Variants in CNTNAP2 observed in about 807,000 individuals in gnomAD.
The protein encoded by CNTNAP2 is contactin associated protein 2.
A neutral mutation model predicts 155.2 loss-of-function variants in CNTNAP2; 98 were observed. The observed-to-expected ratio is 0.63, with a 90% CI of 0.54 to 0.75. CNTNAP2 has a LOEUF of 0.75. CNTNAP2 is among the 30% of genes least tolerant of loss of function. The pLI, the probability that CNTNAP2 is intolerant of heterozygous loss-of-function variation, is 0.00. For synonymous variants in CNTNAP2, 651 were observed against 631.2 expected (o/e 1.03, Z -0.47); for missense variants, 1,727 against 1,688.1 (o/e 1.02, Z -0.40).
chr7:147,548,847 A>G (rs551475871), intron 11 of CNTNAP2, among the ~76,000 whole-genome samples: 3 of 152,250 alleles, frequency 2.0e-5, no homozygotes, highest in Non-Finnish European at 4.4e-5. Flanking sequence ...TCCCAGGACC[A>G]TTTACTGAAT....
chr7:148,063,392 C>T (rs948775755), intron 15 of CNTNAP2, among the ~76,000 whole-genome samples: 1 of 151,994 alleles, frequency 6.6e-6, no homozygotes, highest in Non-Finnish European at 1.5e-5. Context: ...TCCCATTATA[C>T]ATATTGTACC....
At chr7:146,852,064 T>A (rs966683255) in intron 3 of CNTNAP2, among the ~76,000 whole-genome samples, 1 of 152,130 alleles carries the variant, frequency 6.6e-6, no homozygotes, top group African/African-American at 2.4e-5. Context: ...TATGACCTCA[T>A]ATTAACTATA....
intron 10 of CNTNAP2, among the ~76,000 whole-genome samples, chr7:147,442,123 CA>C (rs1475480171): frequency 6.6e-6 from 1 of 152,140 alleles, no homozygotes; most frequent in Non-Finnish European, 1.5e-5. Flanking sequence ...TGGGTGGGTT[CA>C]GATGTGCTGT....
intron 13 of CNTNAP2, among the ~76,000 whole-genome samples, chr7:147,893,537 G>A (rs756526603): frequency 4.6e-5 from 7 of 152,256 alleles, no homozygotes; most frequent in South Asian, 2.1e-4. Flanking sequence ...TCAGTATATG[G>A]CAGACTGGTC....
chr7:148,274,916 C>T (rs74649917), intron 21 of CNTNAP2, among the ~76,000 whole-genome samples: 2,257 of 152,208 alleles, frequency 0.015, 23 homozygotes, highest in Middle Eastern at 0.037. Flanking sequence ...CTCTGTGTCA[C>T]GGGATTCAGC....
At chr7:147,968,452 C>G (rs1368427345) in intron 14 of CNTNAP2, among the ~76,000 whole-genome samples, 1 of 152,112 alleles carries the variant, frequency 6.6e-6, no homozygotes, top group Admixed American at 6.6e-5. Context: ...TCCTTCCATG[C>G]AGGAAAGCTC....
intron 15 of CNTNAP2, among the ~76,000 whole-genome samples, chr7:148,095,253 C>T (rs887672764): frequency 2.6e-5 from 4 of 152,130 alleles, no homozygotes; most frequent in African/African-American, 7.2e-5. Context: ...GATGAGCCTG[C>T]GCTGTTCAGT....
intron 18 of CNTNAP2, among the ~76,000 whole-genome samples, chr7:148,201,585 C>T (rs1469220962): frequency 1.3e-5 from 2 of 152,104 alleles, no homozygotes; most frequent in African/African-American, 4.8e-5. Context: ...TGGGAAGACT[C>T]AAATAGTTGG....
intron 9 of CNTNAP2, among the ~76,000 whole-genome samples, chr7:147,306,509 A>T (rs2116784037): frequency 6.6e-6 from 1 of 152,340 alleles, no homozygotes; most frequent in East Asian, 1.9e-4. Flanking sequence ...TCATGTCCAT[A>T]TGCATAAGAG....
intron 13 of CNTNAP2, among the ~76,000 whole-genome samples, chr7:147,646,244 T>TG (rs1276149134): frequency 6.6e-6 from 1 of 152,148 alleles, no homozygotes; most frequent in East Asian, 1.9e-4. Context: ...GTTTCTGACT[T>TG]GAAAAACTGG....
intron 2 of CNTNAP2, among the ~76,000 whole-genome samples, chr7:146,791,108 C>G (rs555226927): frequency 6.6e-6 from 1 of 151,848 alleles, no homozygotes; most frequent in East Asian, 2.0e-4. Flanking sequence ...TGTGATGTCC[C>G]CCTCCCTGTG....
chr7:146,537,759 G>A (rs576200545), intron 1 of CNTNAP2, among the ~76,000 whole-genome samples: 1 of 152,116 alleles, frequency 6.6e-6, no homozygotes, highest in Admixed American at 6.6e-5. Context: ...AGTGCCTGAG[G>A]TAGGCATTCA....
Position 148,060,933 on chromosome 7 carries a change from A to G in CNTNAP2, c.2384-57185A>G, listed in dbSNP as rs368422736. Among the ~76,000 whole-genome samples, 44 of 152,348 alleles carry G rather than the reference A, an allele frequency of 2.9e-4. 1 individual carries two copies. In the South Asian group the frequency reaches 8.7e-3, roughly 30 times the overall value. ...AATAAAAATAGAATTCTCAAAAGCA[A>G]TAGTTGAAAGACAAGACCACAGAAT... On this transcript the variant is annotated intron_variant, in intron 15 of 23. Coordinates refer to ENST00000361727, the MANE Select transcript of CNTNAP2 (RefSeq NM_014141.6).
intron 9 of CNTNAP2, among the ~76,000 whole-genome samples, chr7:147,325,587 A>G (rs1563161296): frequency 6.6e-6 from 1 of 152,212 alleles, no homozygotes; most frequent in African/African-American, 2.4e-5. Context: ...CTGTATAATT[A>G]TTGATTTGGC....
intron 2 of CNTNAP2, among the ~76,000 whole-genome samples, chr7:146,792,205 T>C (rs2129189276): frequency 6.6e-6 from 1 of 152,208 alleles, no homozygotes; most frequent in South Asian, 2.1e-4. Flanking sequence ...GAGAGAACAT[T>C]GCAATCTTTC....
At chr7:146,973,243 G>C (rs897973590) in intron 3 of CNTNAP2, among the ~76,000 whole-genome samples, 3 of 152,080 alleles carry the variant, frequency 2.0e-5, no homozygotes, top group Admixed American at 6.6e-5. Context: ...GACCAGGCTG[G>C]TCTCCAACTC....
chr7:147,801,313 T>G (rs201810614), intron 13 of CNTNAP2, among the ~76,000 whole-genome samples: 1,677 of 150,804 alleles, frequency 0.011, 91 homozygotes, highest in Admixed American at 0.088. Context: ...TATGAAGTTT[T>G]TTTTTTTTTT....
intron 3 of CNTNAP2, among the ~76,000 whole-genome samples, chr7:146,892,637 G>C (rs748255464): frequency 1.3e-5 from 2 of 152,090 alleles, no homozygotes; most frequent in Non-Finnish European, 2.9e-5. Context: ...TTAGCTGGGC[G>C]TGGTGGCACA....
chr7:147,274,799 G>T (rs1804857367), intron 8 of CNTNAP2, among the ~76,000 whole-genome samples: 1 of 151,688 alleles, frequency 6.6e-6, no homozygotes, highest in Non-Finnish European at 1.5e-5. Flanking sequence ...TTTTTTAATA[G>T]TTTCAGGTCT....
Sources: gnomAD v4.1 joint callset for allele counts (sites outside exome capture counted in the v4.1 genomes callset) on GRCh38, gnomAD v4.1.1 for gene constraint, MANE v1.5 for transcripts, NCBI Gene and HGNC (gene_info 2026-07-23, HGNC 2026-07-21) for gene names.